Variants in CDH4 observed in about 807,000 individuals in gnomAD.
CDH4 encodes cadherin 4.
A neutral mutation model predicts 86.0 loss-of-function variants in CDH4; 33 were observed. The observed-to-expected ratio is 0.38, with a 90% CI of 0.29 to 0.51. The LOEUF is 0.51. CDH4 is among the 20% of genes least tolerant of loss of function. CDH4 has a pLI of 0.86. For synonymous variants in CDH4, 555 were observed against 549.4 expected (o/e 1.01, Z -0.14); for missense variants, 1,114 against 1,307.4 (o/e 0.85, Z 2.28).
chr20:61,917,522 T>A (rs1372722674), intron 9 of CDH4, among the ~76,000 whole-genome samples: 1 of 152,238 alleles, frequency 6.6e-6, no homozygotes, highest in African/African-American at 2.4e-5. Context: ...AGCAGGTCAG[T>A]GATGGGGTCA....
At position 61,700,473 on chromosome 20, in the gene CDH4, C is replaced by G. The variant is rs139121679; in HGVS notation, c.170-43090C>G. Among the ~76,000 whole-genome samples, 53 of 152,306 alleles carry G rather than the reference C, an allele frequency of 3.5e-4. 1 individual carries two copies. The East Asian group carries it at 9.9e-3, about 28-fold the overall frequency. ...AACTTGGTCTTTCTTTACTCCAGCG[C>G]ATGACAGAAGTTCCTTGGTAGCACG... On this transcript the variant is annotated intron_variant, in intron 2 of 15. Transcript: ENST00000614565.
In CDH4 at chr20:61,790,385, C is replaced by T. The variant is rs896708026; in HGVS notation, c.576+17203C>T. Among the ~76,000 whole-genome samples, 5 of 150,838 alleles carry T rather than the reference C, an allele frequency of 3.3e-5. No individual in the cohort carries two copies. In the South Asian group the frequency reaches 8.5e-4, roughly 26 times the overall value. On this transcript the variant is annotated intron_variant, in intron 4 of 15. Transcript: ENST00000614565. The stretch of plus-strand genomic sequence containing the variant: ...TCCATTCATCTCTCCACTCATCATT[C>T]GTCTCTCTACCCATCCCCTCATCTA...
At chr20:61,687,644 C>A (rs543567318) in intron 2 of CDH4, among the ~76,000 whole-genome samples, 1 of 152,192 alleles carries the variant, frequency 6.6e-6, no homozygotes, top group East Asian at 1.9e-4. Context: ...TAAACAAATG[C>A]GTGTAAGTTT....
chr20:61,401,514 C>T (rs1455792542), intron 2 of CDH4, among the ~76,000 whole-genome samples: 1 of 152,152 alleles, frequency 6.6e-6, no homozygotes, highest in Non-Finnish European at 1.5e-5. Flanking sequence ...CTCGTGCAGC[C>T]AAGAGGGGCA....
chr20:61,809,976 G>A (rs2146044616), intron 4 of CDH4, among the ~76,000 whole-genome samples: 1 of 152,346 alleles, frequency 6.6e-6, no homozygotes, highest in South Asian at 2.1e-4. Flanking sequence ...TGGCTGCCCT[G>A]TAGAAGACCA....
chr20:61,710,410 G>A (rs1323116537), intron 2 of CDH4, among the ~76,000 whole-genome samples: 1 of 152,210 alleles, frequency 6.6e-6, no homozygotes, highest in Non-Finnish European at 1.5e-5. Flanking sequence ...AAGCTGCCAA[G>A]CCTCCCAGCC....
At chr20:61,768,285 G>A (rs1240309050) in intron 3 of CDH4, among the ~76,000 whole-genome samples, 2 of 152,138 alleles carry the variant, frequency 1.3e-5, no homozygotes, top group Non-Finnish European at 2.9e-5. Flanking sequence ...ATGTGCATTT[G>A]TGCATGTGTG....
At chr20:61,477,311 G>T (rs953330515) in intron 2 of CDH4, among the ~76,000 whole-genome samples, 1 of 150,368 alleles carries the variant, frequency 6.7e-6, no homozygotes, top group Non-Finnish European at 1.5e-5. Context: ...TTACGATGGT[G>T]GAGACATGGT....
rs748340276 is a variant in CDH4, at chr20:61,377,873, C to T, written c.169+122936C>T. ...AGATCAATGCAGCCCTGCCAATTAG[C>T]GGGGAATTAGCTCACACATCCCTTC... On this transcript the variant is annotated intron_variant, in intron 2 of 15. Transcript: ENST00000614565. This position sits in a 1 kb window ranked among gnomAD's most constrained non-coding sequence, Gnocchi z 4.0. Among the ~76,000 whole-genome samples the T allele has an allele frequency of 2.0e-5, 3 of 152,186 alleles. No individual in the cohort carries two copies. Among genetic ancestry groups the T allele is most frequent in the African/African-American group, 4.8e-5 (2 of 41,430 alleles).
chr20:61,371,440 G>A (rs2084839711), intron 2 of CDH4, among the ~76,000 whole-genome samples: 1 of 152,232 alleles, frequency 6.6e-6, no homozygotes, highest in Admixed American at 6.5e-5. Context: ...AGTGTCAGAC[G>A]CTGCGGACGT....
chr20:61,382,088 T>C (rs8121029), intron 2 of CDH4, among the ~76,000 whole-genome samples: 11 of 90,582 alleles, frequency 1.2e-4, no homozygotes, highest in African/African-American at 7.4e-4. Context: ...AAAATAAAAA[T>C]AAAAATAATT....
intron 2 of CDH4, among the ~76,000 whole-genome samples, chr20:61,665,573 C>T (rs552530521): frequency 6.6e-6 from 1 of 152,286 alleles, no homozygotes; most frequent in East Asian, 1.9e-4. Flanking sequence ...TGATAAATTC[C>T]CCCCATGAAG....
chr20:61,688,872 C>T (rs1406610515), intron 2 of CDH4, among the ~76,000 whole-genome samples: 1 of 152,272 alleles, frequency 6.6e-6, no homozygotes, highest in Non-Finnish European at 1.5e-5. Context: ...CCTGTCATCT[C>T]AGCTGCTTAG....
At chr20:61,613,233 A>G (rs1315786688) in intron 2 of CDH4, among the ~76,000 whole-genome samples, 2 of 152,096 alleles carry the variant, frequency 1.3e-5, no homozygotes, top group Non-Finnish European at 2.9e-5. Flanking sequence ...CAAGTGCTTC[A>G]GAAAACAAAC....
chr20:61,895,955 G>A (rs1273094579), intron 8 of CDH4, among the ~76,000 whole-genome samples: 1 of 152,204 alleles, frequency 6.6e-6, no homozygotes, highest in Non-Finnish European at 1.5e-5. Flanking sequence ...GACGTGCAGA[G>A]GGGAGAGTCA....
intron 2 of CDH4, among the ~76,000 whole-genome samples, chr20:61,410,854 C>T (rs528319098): frequency 9.9e-5 from 15 of 152,068 alleles, no homozygotes; most frequent in Non-Finnish European, 4.4e-5. Context: ...TCCATCCGTC[C>T]GTCCGTCCAT....
At chr20:61,360,713 G>A (rs1226359476) in intron 2 of CDH4, among the ~76,000 whole-genome samples, 1 of 152,150 alleles carries the variant, frequency 6.6e-6, no homozygotes, top group Non-Finnish European at 1.5e-5. Flanking sequence ...TGGAGGCCAT[G>A]GGTCATGGGG....
intron 7 of CDH4, among the ~76,000 whole-genome samples, chr20:61,883,402 G>C (rs1389018474): frequency 2.6e-5 from 4 of 152,212 alleles, no homozygotes; most frequent in Admixed American, 2.6e-4. Context: ...GGTGGTATCT[G>C]TGGTTGTCAC....
At chr20:61,533,113 G>GA (rs1198846381) in intron 2 of CDH4, among the ~76,000 whole-genome samples, 2 of 152,174 alleles carry the variant, frequency 1.3e-5, no homozygotes, top group Non-Finnish European at 2.9e-5. Flanking sequence ...AAGCCGAGGA[G>GA]AAGGAAGCTT....
Sources: gnomAD v4.1 joint callset for allele counts (sites outside exome capture counted in the v4.1 genomes callset) on GRCh38, gnomAD v4.1.1 for gene constraint, Gnocchi (gnomAD v3.1) non-coding constraint, MANE v1.5 for transcripts, NCBI Gene and HGNC (gene_info 2026-07-23, HGNC 2026-07-21) for gene names.